The following MN1 variants were observed in gnomAD, a reference collection of about 807,000 sequenced individuals.
The protein encoded by MN1 is transcriptional activator MN1.
A neutral mutation model predicts 86.9 loss-of-function variants in MN1; 19 were observed. That is an observed-to-expected ratio of 0.22 (90% CI 0.15 to 0.32). MN1 has a LOEUF of 0.32. MN1 is among the 10% of genes least tolerant of loss of function. MN1 has a pLI of 1.00. For missense variants in MN1, 1,841 were observed against 1,862.0 expected (o/e 0.99, Z 0.21); for synonymous variants, 928 against 849.6 (o/e 1.09, Z -1.60).
Position 27,801,040 on chromosome 22 carries a change from A to C in MN1, c.-497T>G, listed in dbSNP as rs1933428413. The C allele has an allele frequency of 4.2e-6, 1 of 240,374 alleles. No homozygotes were observed. Among genetic ancestry groups the C allele is most frequent in the Non-Finnish European group, 8.2e-6 (1 of 122,138 alleles). The allele number at this position is 240,374 out of a possible 1,614,324, so 14.9% of individuals were successfully genotyped here. A position where few individuals can be genotyped will look rare whatever the true frequency, so the allele number is the denominator to read the frequency against. ...TAAGGGCAGGGGAGGGAGACCCTTC[A>C]AAGCCGCGGCTGGCGCCGGGCACCG... On this transcript the variant is annotated 5_prime_UTR_variant, in exon 1 of 2. Coordinates refer to ENST00000302326, the MANE Select transcript of MN1 (RefSeq NM_002430.3).
intron 1 of MN1, among the ~76,000 whole-genome samples, chr22:27,770,451 A>T (rs1932904586): frequency 1.1e-5 from 1 of 90,666 alleles, no homozygotes; most frequent in Non-Finnish European, 2.0e-5. Flanking sequence ...GCAGAGAATC[A>T]TGTGGATTCA....
At position 27,799,911 on chromosome 22, in the gene MN1, G is replaced by A; in HGVS notation, c.633C>T (p.Gly211=). 6.2e-7 allele frequency: 1 copy of A among 1,602,250 alleles called. No individual in the cohort carries two copies. Among genetic ancestry groups the A allele is most frequent in the Non-Finnish European group, 8.5e-7 (1 of 1,175,478 alleles). ...ASFHGLPSSS[G]SDSHSLEPRR... The stretch of plus-strand genomic sequence containing the variant: ...GTGGCTCCAGACTGTGGGAATCGGA[G>A]CCGCTGGAGGACGGCAGGCCGTGGA... The change falls in exon 1 of 2, where the codon GGC becomes GGT. Residue 211 remains glycine, a synonymous_variant. Transcript: ENST00000302326.
chr22:27,758,060 C>A (rs187914401), intron 1 of MN1, among the ~76,000 whole-genome samples: 13 of 152,114 alleles, frequency 8.5e-5, no homozygotes, highest in African/African-American at 3.1e-4. Context: ...ACACACTGCC[C>A]TCCAAACCTG....
chr22:27,761,701 A>G (rs947143655), intron 1 of MN1, among the ~76,000 whole-genome samples: 2 of 152,176 alleles, frequency 1.3e-5, no homozygotes, highest in African/African-American at 4.8e-5. Flanking sequence ...CATGATGGGC[A>G]GGAGGGGTCT....
At chr22:27,782,847 G>C (rs1933072267) in intron 1 of MN1, among the ~76,000 whole-genome samples, 1 of 152,060 alleles carries the variant, frequency 6.6e-6, no homozygotes, top group Non-Finnish European at 1.5e-5. Context: ...CATACTATTT[G>C]GTCCTCACAA....
rs779480229 is a variant in MN1 at position 27,798,450 on chromosome 22, C to G, written c.2094G>C (p.Pro698=). 2 of 1,561,980 alleles carry G rather than the reference C, an allele frequency of 1.3e-6. No individual in the cohort carries two copies. The highest frequency in any genetic ancestry group is 1.7e-6 in the Non-Finnish European group (2 of 1,163,382). Residue 698 remains proline, a synonymous_variant, in exon 1 of 2, where the codon CCG becomes CCC. Coordinates refer to ENST00000302326, the MANE Select transcript of MN1 (RefSeq NM_002430.3). ...CCAGACTGCCCCCGAACTGCAGGCC[C>G]GGTGAAGGCAGCGCGGGCACGTGGC... ...GEGHVPALPS[P]GLQFGGSLGG... is the part of the protein sequence containing the mutation.
chr22:27,785,020 C>T (rs1480983204), intron 1 of MN1, among the ~76,000 whole-genome samples: 1 of 149,842 alleles, frequency 6.7e-6, no homozygotes, highest in East Asian at 2.0e-4. Context: ...ACTATTTGAT[C>T]GCCGGCATCT....
rs1381620445 is a variant in MN1 at position 27,780,659 on chromosome 22, T to G, written c.3781+16104A>C. ...ATCACTCAGGGATTCTACTTCACTGTCACTGCCTCTCAGAGACCTTCCTGG... is the reference window on the plus strand; with the variant it reads ...ATCACTCAGGGATTCTACTTCACTGGCACTGCCTCTCAGAGACCTTCCTGG... On this transcript the variant is annotated intron_variant, in intron 1 of 1. Transcript: ENST00000302326. 6.6e-5 allele frequency among the ~76,000 whole-genome samples: 10 copies of G among 152,314 alleles called. No homozygotes were observed. In the East Asian group the frequency reaches 1.7e-3, roughly 26 times the overall value.
At chr22:27,794,640 C>A (rs1401878272) in intron 1 of MN1, among the ~76,000 whole-genome samples, 1 of 152,208 alleles carries the variant, frequency 6.6e-6, no homozygotes, top group Non-Finnish European at 1.5e-5. Context: ...TCTTCATTCA[C>A]AGCCTGCATC....
rs907165818 is a variant in MN1 at position 27,778,487 on chromosome 22, C to T, written c.3781+18276G>A. The stretch of plus-strand genomic sequence containing the variant: ...TCATCCCCCTCCCCTCACAGGTTCC[C>T]GATGCTTCCTGTGCAGGAGGAGAAG... On this transcript the variant is annotated intron_variant, in intron 1 of 1. Transcript: ENST00000302326. 5.9e-5 allele frequency among the ~76,000 whole-genome samples: 9 copies of T among 152,236 alleles called. No individual in the cohort carries two copies. In the South Asian group the frequency reaches 1.0e-3, roughly 18 times the overall value.
At chr22:27,795,578 T>C (rs1333667959) in intron 1 of MN1, among the ~76,000 whole-genome samples, 1 of 152,078 alleles carries the variant, frequency 6.6e-6, no homozygotes, top group Non-Finnish European at 1.5e-5. Context: ...GGTGATAGTC[T>C]GTCTAGGGAA....
intron 1 of MN1, among the ~76,000 whole-genome samples, chr22:27,772,263 G>T (rs565391921): frequency 2.6e-5 from 4 of 152,298 alleles, no homozygotes; most frequent in Admixed American, 1.3e-4. Flanking sequence ...CCACTGCCTC[G>T]CTGTGTCTCA....
rs767284915 is a variant in MN1, at chr22:27,800,311, A to G, written c.233T>C (p.Leu78Ser). 3 of 1,578,244 alleles carry G rather than the reference A, an allele frequency of 1.9e-6. No individual in the cohort carries two copies. The highest frequency in any genetic ancestry group is 4.5e-5 in the East Asian group (2 of 44,530). ...CTGCGCTTGCAGCCCCCCTGCGTGC[A>G]ACTCCGAGTGGCCGCGCGCGTGGAA... Reference protein sequence around the residue: ...YGFHARGHSELHAGGLQAQPV... With the variant: ...YGFHARGHSESHAGGLQAQPV... Residue 78 changes from leucine (L) to serine (S), a missense_variant, in exon 1 of 2, where the codon TTG (leucine) becomes TCG (serine). Physicochemically the swap from Leu to Ser is moderately radical, Grantham distance 145. Transcript: ENST00000302326.
chr22:27,765,481 G>A (rs1932862553), intron 1 of MN1, among the ~76,000 whole-genome samples: 1 of 152,218 alleles, frequency 6.6e-6, no homozygotes, highest in African/African-American at 2.4e-5. Flanking sequence ...AGCCGAATGA[G>A]TCAGCCACGT....
rs1298090782 is a variant in MN1 at position 27,767,863 on chromosome 22, A to AC, written c.3782-16768dup. Among the ~76,000 whole-genome samples the AC allele has an allele frequency of 7.2e-5, 11 of 152,234 alleles. No homozygotes were observed. In the Middle Eastern group the frequency reaches 0.01, roughly 141 times the overall value. Reference sequence around the variant, plus strand: ...GGGTAATTTTTTCCCAGGGAAGAGAACCACATGCCAGGCACTATTCTAAGC... The same window carrying AC: ...GGGTAATTTTTTCCCAGGGAAGAGAACCCACATGCCAGGCACTATTCTAAGC... On this transcript the variant is annotated intron_variant, in intron 1 of 1. Coordinates refer to ENST00000302326, the MANE Select transcript of MN1 (RefSeq NM_002430.3).
Position 27,796,765 on chromosome 22 carries a change from T to C in MN1, c.3779A>G (p.Glu1260Gly), listed in dbSNP as rs372548989. 3 of 1,593,972 alleles carry C rather than the reference T, an allele frequency of 1.9e-6. No homozygotes were observed. Among genetic ancestry groups the C allele is most frequent in the African/African-American group, 1.3e-5 (1 of 74,678 alleles). ...GAGGAAAACGAGTGTGCATATACCT[T>C]CTTTGCTGTTGGGGTTCTGGGGTTT... ...KAKPQNPNSK[E>G]AHDLPANKAS... Residue 1260 changes from glutamate (E) to glycine (G), a missense_variant and splice_region_variant, in exon 1 of 2, where the codon GAA becomes GGA. Transcript: ENST00000302326.
intron 1 of MN1, among the ~76,000 whole-genome samples, chr22:27,763,096 A>G (rs1932845109): frequency 6.6e-6 from 1 of 152,170 alleles, no homozygotes. Context: ...CCTTATCTCA[A>G]AAAAACAAAA....
Position 27,797,406 on chromosome 22 carries a change from C to T in MN1, c.3138G>A (p.Ser1046=), listed in dbSNP as rs1394727358. The change falls in exon 1 of 2, where the codon TCG becomes TCA. Residue 1046 remains serine (S), a synonymous_variant. Transcript: ENST00000302326. The part of the protein sequence containing the change: ...SSSPNVGEFA[S]DEVSTSYANE... ...TGGCGTAGCTCGTGCTCACCTCGTC[C>T]GAGGCGAACTCACCCACGTTTGGCG... 2 of 1,611,820 alleles carry T rather than the reference C, an allele frequency of 1.2e-6. No homozygotes were observed. Among genetic ancestry groups the T allele is most frequent in the South Asian group, 1.1e-5 (1 of 90,922 alleles).
intron 1 of MN1, among the ~76,000 whole-genome samples, chr22:27,795,234 C>T (rs1933274024): frequency 2.0e-5 from 3 of 152,000 alleles, no homozygotes; most frequent in Admixed American, 6.6e-5. Flanking sequence ...GGGCAGTAAC[C>T]GCGGAACAAA....
Sources: gnomAD v4.1 joint callset for allele counts (sites outside exome capture counted in the v4.1 genomes callset) on GRCh38, gnomAD v4.1.1 for gene constraint, MANE v1.5 for transcripts, NCBI Gene and HGNC (gene_info 2026-07-23, HGNC 2026-07-21) for gene names.